The following SLC39A11 variants were observed in gnomAD, a reference collection of about 807,000 sequenced individuals.
The protein encoded by SLC39A11 is zinc transporter ZIP11.
In SLC39A11, 33 loss-of-function variants were observed where a neutral mutation model predicts 36.1. The observed-to-expected ratio is 0.91, with a 90% CI of 0.69 to 1.22. The LOEUF is 1.22. SLC39A11 is among the 50% of genes most tolerant of loss of function. The pLI is 0.00. For synonymous variants in SLC39A11, 166 were observed against 170.3 expected (o/e 0.97, Z 0.20); for missense variants, 432 against 430.3 (o/e 1.00, Z -0.03).
chr17:72,780,360 A>G (rs774730771), intron 6 of SLC39A11, among the ~76,000 whole-genome samples: 9 of 151,990 alleles, frequency 5.9e-5, no homozygotes, highest in Non-Finnish European at 1.2e-4. Context: ...TCATAACTAC[A>G]TGGAGGGGAA....
chr17:72,652,115 T>C (rs1567906167), intron 7 of SLC39A11, among the ~76,000 whole-genome samples: 1 of 152,226 alleles, frequency 6.6e-6, no homozygotes, highest in East Asian at 1.9e-4. Flanking sequence ...AAAGTGGCTA[T>C]GGACAGTACA....
chr17:72,781,992 A>G (rs1221279333), intron 6 of SLC39A11, among the ~76,000 whole-genome samples: 1 of 152,082 alleles, frequency 6.6e-6, no homozygotes, highest in African/African-American at 2.4e-5. Flanking sequence ...ATATACATAC[A>G]TATATTCAAG....
intron 3 of SLC39A11, among the ~76,000 whole-genome samples, chr17:73,051,715 A>G (rs8068140): frequency 0.85 from 92,263 of 108,678 alleles, 37,969 homozygotes; most frequent in East Asian, 0.95. Flanking sequence ...AAAATTAGCC[A>G]GGTGTGGTGG....
At chr17:73,089,928 T>C (rs923790732) in intron 1 of SLC39A11, among the ~76,000 whole-genome samples, 3 of 152,216 alleles carry the variant, frequency 2.0e-5, no homozygotes, top group African/African-American at 7.2e-5. Flanking sequence ...GATCTCTCCC[T>C]GTGGAAAGTT....
At chr17:72,820,049 G>A (rs1164090266) in intron 6 of SLC39A11, among the ~76,000 whole-genome samples, 13 of 151,318 alleles carry the variant, frequency 8.6e-5, no homozygotes, top group Admixed American at 6.6e-5. Flanking sequence ...GCTTCCTTCC[G>A]ATTGACAACG....
intron 7 of SLC39A11, among the ~76,000 whole-genome samples, chr17:72,724,451 G>T (rs918001385): frequency 1.3e-5 from 2 of 152,128 alleles, no homozygotes; most frequent in East Asian, 3.8e-4. Flanking sequence ...GAAAGCGGTG[G>T]GGGGGAGTGA....
intron 4 of SLC39A11, among the ~76,000 whole-genome samples, chr17:72,986,368 G>T (rs536281050): frequency 5.5e-4 from 84 of 152,316 alleles, no homozygotes; most frequent in African/African-American, 1.9e-3. Flanking sequence ...GCCTGGCCAT[G>T]CAGACAAAGC....
intron 4 of SLC39A11, among the ~76,000 whole-genome samples, chr17:72,988,613 AAAC>A (rs1252676295): frequency 6.6e-6 from 1 of 152,024 alleles, no homozygotes; most frequent in Non-Finnish European, 1.5e-5. Flanking sequence ...GGTACCTTTT[AAAC>A]AACAACTCCC....
intron 7 of SLC39A11, among the ~76,000 whole-genome samples, chr17:72,695,059 T>C (rs186348090): frequency 2.2e-4 from 33 of 152,304 alleles, no homozygotes; most frequent in African/African-American, 7.9e-4. Flanking sequence ...ATGCAGTTCC[T>C]TGGTTCTCTT....
chr17:72,966,864 C>T (rs1011971595), intron 4 of SLC39A11, among the ~76,000 whole-genome samples: 4 of 152,324 alleles, frequency 2.6e-5, no homozygotes, highest in South Asian at 2.1e-4. Flanking sequence ...CCACCACGCC[C>T]GGCCGCTTCA....
chr17:72,647,525 G>A lies in SLC39A11; in HGVS notation c.*59C>T. ...GAAGAAAGAAGCTTGTTGTCCCATAGAAGCCAACCACTGCTGTTTCTTCGT... is the reference window on the plus strand; with the variant it reads ...GAAGAAAGAAGCTTGTTGTCCCATAAAAGCCAACCACTGCTGTTTCTTCGT... On this transcript the variant is annotated 3_prime_UTR_variant, in exon 10 of 10. Coordinates refer to ENST00000255559, the MANE Select transcript of SLC39A11 (RefSeq NM_139177.4). The A allele has an allele frequency of 6.9e-7, 1 of 1,446,216 alleles. No homozygotes were observed. The highest frequency in any genetic ancestry group is 9.6e-7 in the Non-Finnish European group (1 of 1,043,948). The allele number at this position is 1,446,216 out of a possible 1,614,324, so 89.6% of individuals were successfully genotyped here.
At chr17:72,965,052 T>C (rs532370297) in intron 4 of SLC39A11, among the ~76,000 whole-genome samples, 1 of 146,666 alleles carries the variant, frequency 6.8e-6, no homozygotes, top group Admixed American at 7.0e-5. Flanking sequence ...AATTGAACAA[T>C]GAGAACACTT....
intron 5 of SLC39A11, among the ~76,000 whole-genome samples, chr17:72,861,688 T>TATATAAA (rs1169877556): frequency 1.1e-5 from 1 of 88,800 alleles, no homozygotes; most frequent in African/African-American, 4.4e-5. Context: ...TATATATATA[T>TATATAAA]AAAATATATA....
chr17:72,756,800 TACC>T (rs2075374872), intron 6 of SLC39A11, among the ~76,000 whole-genome samples: 1 of 152,174 alleles, frequency 6.6e-6, no homozygotes, highest in South Asian at 2.1e-4. Context: ...ATGAGTATTT[TACC>T]ACAATTAAAA....
At chr17:72,880,712 C>A (rs553153880) in intron 5 of SLC39A11, among the ~76,000 whole-genome samples, 1 of 151,298 alleles carries the variant, frequency 6.6e-6, no homozygotes, top group Admixed American at 6.6e-5. Context: ...GACAGAGTCT[C>A]GCTCTGTCAC....
intron 7 of SLC39A11, among the ~76,000 whole-genome samples, chr17:72,675,443 C>T (rs1448611887): frequency 1.3e-5 from 2 of 152,230 alleles, no homozygotes; most frequent in African/African-American, 2.4e-5. Context: ...GTAATCTACA[C>T]AGTTTACGGC....
intron 7 of SLC39A11, among the ~76,000 whole-genome samples, chr17:72,689,428 A>G (rs1173299812): frequency 7.8e-5 from 2 of 25,654 alleles, no homozygotes; most frequent in Admixed American, 8.0e-4. Context: ...ATAAGTCAGC[A>G]ATTCCACTCC....
intron 3 of SLC39A11, among the ~76,000 whole-genome samples, chr17:73,050,987 T>C (rs2059478210): frequency 6.6e-6 from 1 of 152,226 alleles, no homozygotes; most frequent in East Asian, 1.9e-4. Flanking sequence ...AAAGAGAATG[T>C]ATTGGTTTCC....
At chr17:72,985,523 C>T (rs1598729381) in intron 4 of SLC39A11, among the ~76,000 whole-genome samples, 1 of 145,546 alleles carries the variant, frequency 6.9e-6, no homozygotes, top group East Asian at 2.0e-4. Context: ...AGCAATTCTC[C>T]TGCCTCAGCC....
Sources: allele counts gnomAD v4.1 joint callset (sites outside exome capture counted in the v4.1 genomes callset), GRCh38; gene constraint gnomAD v4.1.1; transcripts MANE v1.5; gene names NCBI Gene and HGNC (gene_info 2026-07-23, HGNC 2026-07-21).